GRIN2B: variants seen among roughly 807,000 people sequenced by gnomAD.
GRIN2B encodes glutamate receptor ionotropic, NMDA 2B.
GRIN2B carries 5 observed loss-of-function variants against 114.5 expected under a neutral mutation model. The ratio of observed to expected loss-of-function variants is 0.04; its 90% CI spans 0.02 to 0.09. GRIN2B has a LOEUF of 0.09. Among genes scored for constraint, GRIN2B ranks in the 10% least tolerant of loss-of-function variants. GRIN2B has a pLI of 1.00. For missense variants in GRIN2B, 1,108 were observed against 1,943.5 expected, an observed-to-expected ratio of 0.57 and a Z score of 8.08; for synonymous variants, 787 against 745.1, an observed-to-expected ratio of 1.06 and a Z score of -0.92.
At chr12:13,819,431 A>T (rs73055639) in intron 3 of GRIN2B, among the ~76,000 whole-genome samples, 24,061 of 152,230 alleles carry the variant, frequency 0.16, 2,448 homozygotes, top group Non-Finnish European at 0.22. Context: ...ACTCAGCTAC[A>T]CTCATGTTGT....
intron 4 of GRIN2B, among the ~76,000 whole-genome samples, chr12:13,699,531 A>G (rs1220468286): frequency 6.6e-6 from 1 of 152,156 alleles, no homozygotes; most frequent in Non-Finnish European, 1.5e-5. Flanking sequence ...GAATTAATGT[A>G]TAAAAAAGTG....
At chr12:13,826,397 G>A (rs143297842) in intron 3 of GRIN2B, among the ~76,000 whole-genome samples, 2,478 of 152,210 alleles carry the variant, frequency 0.016, 79 homozygotes, top group African/African-American at 0.058. Context: ...CTTGAACCCA[G>A]GAGGCGGAGG....
intron 5 of GRIN2B, among the ~76,000 whole-genome samples, chr12:13,619,843 C>T (rs2136485539): frequency 6.6e-6 from 1 of 152,326 alleles, no homozygotes; most frequent in Non-Finnish European, 1.5e-5. Flanking sequence ...TGAAGCTGAG[C>T]AGTCTGACTC....
At chr12:13,756,537 T>G (rs1405998800) in intron 3 of GRIN2B, among the ~76,000 whole-genome samples, 1 of 152,152 alleles carries the variant, frequency 6.6e-6, no homozygotes, top group Non-Finnish European at 1.5e-5. Context: ...AAAGAAAAAC[T>G]GGGGGATTCC....
chr12:13,837,191 AG>A (rs1227266385), intron 3 of GRIN2B, among the ~76,000 whole-genome samples: 4 of 152,154 alleles, frequency 2.6e-5, no homozygotes, highest in Non-Finnish European at 5.9e-5. Context: ...CAAGGCCTTT[AG>A]GGGGCTTCAC....
At chr12:13,680,939 T>C (rs986389859) in intron 4 of GRIN2B, among the ~76,000 whole-genome samples, 2 of 152,144 alleles carry the variant, frequency 1.3e-5, no homozygotes, top group African/African-American at 4.8e-5. Context: ...TCAGAGCCAA[T>C]ACATTTGCTT....
intron 4 of GRIN2B, among the ~76,000 whole-genome samples, chr12:13,700,569 G>T (rs2268112): frequency 6.6e-6 from 1 of 151,956 alleles, no homozygotes; most frequent in East Asian, 1.9e-4. Flanking sequence ...GAGGAACCCC[G>T]AGTGGCCAAG....
At chr12:13,802,340 G>A (rs1046927153) in intron 3 of GRIN2B, among the ~76,000 whole-genome samples, 6 of 152,006 alleles carry the variant, frequency 3.9e-5, no homozygotes, top group African/African-American at 1.2e-4. Flanking sequence ...GGGGGAAGTG[G>A]ATATTCTCAT....
At chr12:13,915,251 A>G (rs1866695502) in intron 2 of GRIN2B, among the ~76,000 whole-genome samples, 2 of 152,212 alleles carry the variant, frequency 1.3e-5, no homozygotes, top group Admixed American at 6.5e-5. Flanking sequence ...AACAAAGCCA[A>G]AAGCAAACAA....
At chr12:13,826,686 C>T (rs988056010) in intron 3 of GRIN2B, among the ~76,000 whole-genome samples, 2 of 151,742 alleles carry the variant, frequency 1.3e-5, no homozygotes, top group Non-Finnish European at 2.9e-5. Context: ...TGTTTTACTT[C>T]AATATACATC....
intron 3 of GRIN2B, among the ~76,000 whole-genome samples, chr12:13,795,851 G>A (rs945814258): frequency 2.0e-5 from 3 of 152,042 alleles, no homozygotes; most frequent in Non-Finnish European, 4.4e-5. Flanking sequence ...CAAACATCAC[G>A]TGTTCTAACT....
chr12:13,545,385 T>A lies in GRIN2B; in HGVS notation c.*17398A>T, dbSNP rs1431929592. ...TCAACATACAAACTTCAAGAGGGTA[T>A]GGACTTTGTGTGGTTCGTTCTTATA... On this transcript the variant is annotated 3_prime_UTR_variant, in exon 14 of 14. Transcript: ENST00000609686. The A allele has an allele frequency of 6.6e-6, 1 of 152,218 alleles. No homozygotes were observed. The highest frequency in any genetic ancestry group is 1.9e-4 in the East Asian group (1 of 5,198). The allele number at this position is 152,218 out of a possible 1,614,324, so 9.4% of individuals were successfully genotyped here.
intron 4 of GRIN2B, among the ~76,000 whole-genome samples, chr12:13,719,107 C>A (rs936720921): frequency 1.3e-5 from 2 of 151,958 alleles, no homozygotes; most frequent in Non-Finnish European, 2.9e-5. Flanking sequence ...AACTCATCAC[C>A]ACGCACTCTC....
intron 4 of GRIN2B, among the ~76,000 whole-genome samples, chr12:13,708,160 A>G (rs1008589206): frequency 3.9e-5 from 6 of 152,106 alleles, no homozygotes; most frequent in Admixed American, 3.9e-4. Flanking sequence ...CCACTTCCCA[A>G]TAGAAGTAGT....
intron 2 of GRIN2B, among the ~76,000 whole-genome samples, chr12:13,955,439 A>G (rs1867571794): frequency 6.6e-6 from 1 of 152,218 alleles, no homozygotes; most frequent in African/African-American, 2.4e-5. Context: ...TCTGCAGCAG[A>G]CATAGAATCT....
At chr12:13,694,689 A>T (rs1591680872) in intron 4 of GRIN2B, among the ~76,000 whole-genome samples, 1 of 118,474 alleles carries the variant, frequency 8.4e-6, no homozygotes, top group East Asian at 2.9e-4. Flanking sequence ...ATATATATAT[A>T]TATATATATA....
intron 3 of GRIN2B, among the ~76,000 whole-genome samples, chr12:13,790,462 C>G (rs1199466686): frequency 6.6e-6 from 1 of 152,178 alleles, no homozygotes; most frequent in East Asian, 1.9e-4. Context: ...ACATTGTTCC[C>G]TAATCATAAA....
chr12:13,902,084 C>T (rs1341486622), intron 2 of GRIN2B, among the ~76,000 whole-genome samples: 3 of 152,042 alleles, frequency 2.0e-5, no homozygotes, highest in South Asian at 2.1e-4. Context: ...AAAAATGTTA[C>T]ACCATTCAGC....
rs560800752 is a variant in GRIN2B, at chr12:13,657,735, A to G, written c.1125+18010T>C. Among the ~76,000 whole-genome samples, 6 of 152,362 alleles carry G rather than the reference A, an allele frequency of 3.9e-5. 1 individual carries two copies. In the South Asian group the frequency reaches 1.2e-3, roughly 32 times the overall value. ...AATCATGGGATAAATACATGAATCTAAATAGATAATGGACAGAGATTAGAT... is the reference window on the plus strand; with the variant it reads ...AATCATGGGATAAATACATGAATCTGAATAGATAATGGACAGAGATTAGAT... On this transcript the variant is annotated intron_variant, in intron 5 of 13. Transcript: ENST00000609686.
Sources: gnomAD v4.1 joint callset for allele counts (sites outside exome capture counted in the v4.1 genomes callset) on GRCh38, gnomAD v4.1.1 for gene constraint, MANE v1.5 for transcripts, NCBI Gene and HGNC (gene_info 2026-07-23, HGNC 2026-07-21) for gene names.